Variants in SPARCL1 observed in about 807,000 individuals in gnomAD.
SPARCL1 encodes the protein SPARC-like protein 1.
SPARCL1 carries 52 observed loss-of-function variants against 67.1 expected under a neutral mutation model. The ratio of observed to expected loss-of-function variants is 0.78; its 90% confidence interval spans 0.62 to 0.98. The LOEUF is 0.98. Ranked by LOEUF, SPARCL1 falls within the 50% of genes least tolerant of loss-of-function variation. SPARCL1 has a pLI of 0.00. For missense variants in SPARCL1, 717 were observed against 782.4 expected (o/e 0.92, Z 1.00); for synonymous variants, 226 against 267.8 (o/e 0.84, Z 1.52).
intron 10 of SPARCL1, among the ~76,000 whole-genome samples, chr4:87,476,686 G>A (rs1723598652): frequency 6.6e-6 from 1 of 152,168 alleles, no homozygotes; most frequent in South Asian, 2.1e-4. Context: ...CAAAATAAAT[G>A]AGGATTCCTG....
At chr4:87,485,678 G>A (rs910086851) in intron 7 of SPARCL1, among the ~76,000 whole-genome samples, 2 of 152,160 alleles carry the variant, frequency 1.3e-5, no homozygotes, top group Non-Finnish European at 2.9e-5. Context: ...GAATTCAGCT[G>A]TGAATCTGTC....
chr4:87,526,204 C>T (rs1213297481), intron 1 of SPARCL1, among the ~76,000 whole-genome samples: 6 of 152,214 alleles, frequency 3.9e-5, no homozygotes, highest in Admixed American at 1.3e-4. Context: ...AAGCTACTAA[C>T]TGATGCAGCA....
intron 9 of SPARCL1, 43 bp from the exon 10 acceptor site, chr4:87,479,621 G>A (rs755015814): frequency 6.3e-7 from 1 of 1,598,676 alleles, no homozygotes; most frequent in Admixed American, 1.7e-5. Flanking sequence ...AGTAGCTTGT[G>A]CATGAAGATT....
chr4:87,473,433 G>T lies in SPARCL1; in HGVS notation c.*342C>A, dbSNP rs746461335. The stretch of plus-strand genomic sequence containing the variant: ...CATTCCATTTTCTTGAAGTGCACAT[G>T]ATATTATGAACAATACAAATGCATT... On this transcript the variant is annotated 3_prime_UTR_variant, in exon 11 of 11. Coordinates refer to ENST00000282470, the MANE Select transcript of SPARCL1 (RefSeq NM_004684.6). 1.7e-5 allele frequency: 3 copies of T among 177,392 alleles called. No homozygotes were observed. Among genetic ancestry groups the T allele is most frequent in the Non-Finnish European group, 3.5e-5 (3 of 85,218 alleles). 11.0% of individuals were successfully genotyped at this position (177,392 alleles called of 1,614,324 possible).
At chr4:87,517,647 A>G (rs72654117) in intron 1 of SPARCL1, among the ~76,000 whole-genome samples, 42 of 152,112 alleles carry the variant, frequency 2.8e-4, no homozygotes, top group Non-Finnish European at 5.6e-4. Context: ...AATTTCCCTT[A>G]TTAGTTAAAC....
At chr4:87,524,514 T>G (rs1399660821) in intron 1 of SPARCL1, among the ~76,000 whole-genome samples, 2 of 152,236 alleles carry the variant, frequency 1.3e-5, no homozygotes, top group Non-Finnish European at 2.9e-5. Flanking sequence ...TATAAAAGAA[T>G]GGAAACTCAC....
intron 1 of SPARCL1, among the ~76,000 whole-genome samples, chr4:87,522,793 C>A (rs1173030203): frequency 6.6e-6 from 1 of 152,098 alleles, no homozygotes; most frequent in African/African-American, 2.4e-5. Context: ...AGGTGTTTTG[C>A]CTTCATAACA....
intron 5 of SPARCL1, among the ~76,000 whole-genome samples, 196 bp from the exon 6 acceptor site, chr4:87,491,074 A>G (rs1415894110): frequency 6.6e-6 from 1 of 152,238 alleles, no homozygotes; most frequent in Non-Finnish European, 1.5e-5. Flanking sequence ...TCTATTTTAC[A>G]TGATAATTTT....
intron 7 of SPARCL1, among the ~76,000 whole-genome samples, chr4:87,488,922 G>A (rs1402673969): frequency 7.3e-6 from 1 of 137,498 alleles, no homozygotes; most frequent in African/African-American, 3.5e-5. Context: ...CCTCAGTAAT[G>A]GTGGATGCCC....
Position 87,484,897 on chromosome 4 carries a change from A to G in SPARCL1, c.1532-2337T>C, listed in dbSNP as rs981910929. On this transcript the variant is annotated intron_variant, in intron 7 of 10. Coordinates refer to ENST00000282470, the MANE Select transcript of SPARCL1 (RefSeq NM_004684.6). ...TTATTGGTATATAGGAATGCTTGTG[A>G]TTTTCGTACATTGATTTTGTATCCT... Among the ~76,000 whole-genome samples, 10 of 152,170 alleles carry G rather than the reference A, an allele frequency of 6.6e-5. No homozygotes were observed. The East Asian group carries it at 1.9e-3, about 29-fold the overall frequency.
chr4:87,500,045 T>A (rs1318426569), intron 1 of SPARCL1, among the ~76,000 whole-genome samples: 1 of 152,242 alleles, frequency 6.6e-6, no homozygotes, highest in East Asian at 1.9e-4. Context: ...TCATCTGATT[T>A]AGAGGTCTTT....
At position 87,515,685 on chromosome 4, in the gene SPARCL1, T is replaced by C. The variant is rs1725552520; in HGVS notation, c.-12+13360A>G. Among the ~76,000 whole-genome samples, 3 of 152,204 alleles carry C rather than the reference T, an allele frequency of 2.0e-5. No individual in the cohort carries two copies. The South Asian group carries it at 6.2e-4, about 31-fold the overall frequency. On this transcript the variant is annotated intron_variant, in intron 1 of 10. Transcript: ENST00000282470. ...AAGATGATAGCTAGACAGCATTTTA[T>C]AGAGAACATCCAGCATTTGAATTTC...
chr4:87,511,042 G>A (rs1725331428), intron 1 of SPARCL1, among the ~76,000 whole-genome samples: 1 of 152,192 alleles, frequency 6.6e-6, no homozygotes, highest in South Asian at 2.1e-4. Flanking sequence ...AGCAGGGCGG[G>A]CTGAGTAAAC....
chr4:87,483,833 G>A (rs1423306509), intron 7 of SPARCL1, among the ~76,000 whole-genome samples: 3 of 152,096 alleles, frequency 2.0e-5, no homozygotes, highest in African/African-American at 4.8e-5. Context: ...CTCTAATGAC[G>A]AGTGATTATG....
At chr4:87,506,396 G>A (rs1231098535) in intron 1 of SPARCL1, among the ~76,000 whole-genome samples, 2 of 152,180 alleles carry the variant, frequency 1.3e-5, no homozygotes, top group East Asian at 3.9e-4. Context: ...CTGAGGGTGT[G>A]TTCTGAAGAA....
intron 7 of SPARCL1, 143 bp from the exon 8 acceptor site, chr4:87,482,703 G>A: frequency 2.5e-6 from 2 of 784,476 alleles, no homozygotes; most frequent in Non-Finnish European, 4.0e-6. Context: ...CCTCAGCCCT[G>A]GCAGCAGCAC....
At chr4:87,511,059 C>T (rs545215884) in intron 1 of SPARCL1, among the ~76,000 whole-genome samples, 1 of 152,308 alleles carries the variant, frequency 6.6e-6, no homozygotes, top group East Asian at 1.9e-4. Context: ...AAACAAGGCA[C>T]CCCTGCCGCG....
chr4:87,494,919 T>C, intron 3 of SPARCL1, 62 bp downstream of exon 3: 2 of 1,429,654 alleles, frequency 1.4e-6, no homozygotes, highest in Non-Finnish European at 9.6e-7. Flanking sequence ...TTTACCATGC[T>C]TTGAAACTAA....
chr4:87,478,736 C>T (rs1018357210), intron 10 of SPARCL1, among the ~76,000 whole-genome samples: 1 of 152,142 alleles, frequency 6.6e-6, no homozygotes, highest in Non-Finnish European at 1.5e-5. Flanking sequence ...CCGTGCCCAG[C>T]CTTTCATATC....
Sources: allele counts gnomAD v4.1 joint callset (sites outside exome capture counted in the v4.1 genomes callset), GRCh38; gene constraint gnomAD v4.1.1; transcripts MANE v1.5; gene names NCBI Gene and HGNC (gene_info 2026-07-23, HGNC 2026-07-21).